DISP1: variants seen among roughly 807,000 people sequenced by gnomAD.
The protein encoded by DISP1 is protein dispatched homolog 1.
DISP1 carries 30 observed loss-of-function variants against 37.3 expected under a neutral mutation model. The observed-to-expected ratio is 0.80, with a 90% CI of 0.60 to 1.09. DISP1 has a LOEUF of 1.09. Among genes scored for constraint, DISP1 ranks in the 50% least tolerant of loss-of-function variants. DISP1 has a pLI of 0.00. For missense variants in DISP1, 1,598 were observed against 1,879.5 expected (o/e 0.85, Z 2.77); for synonymous variants, 634 against 690.2 (o/e 0.92, Z 1.28).
intron 2 of DISP1, among the ~76,000 whole-genome samples, chr1:222,936,824 A>AT (rs1180688946): frequency 0.053 from 1,720 of 32,150 alleles, 84 homozygotes; most frequent in African/African-American, 0.09. Flanking sequence ...TATATATAAT[A>AT]TATATAAATT....
intron 1 of DISP1, among the ~76,000 whole-genome samples, chr1:222,915,421 A>G (rs1440758560): frequency 6.6e-6 from 1 of 152,222 alleles, no homozygotes; most frequent in Non-Finnish European, 1.5e-5. Flanking sequence ...AGGGATGGGA[A>G]GGAGGAGTGT....
intron 1 of DISP1, among the ~76,000 whole-genome samples, chr1:222,927,666 G>T (rs1673164968): frequency 6.6e-6 from 1 of 152,154 alleles, no homozygotes; most frequent in South Asian, 2.1e-4. Flanking sequence ...CCAAAGTCAT[G>T]AAGAGTTAGA....
In DISP1 at chr1:223,003,777, T is replaced by C. The variant is rs974949472; in HGVS notation, c.2380T>C (p.Ser794Pro). ...HMPITVIWGV[S>P]PEDNGNPLNP... ...GCCCATCACAGTAATCTGGGGCGTG[T>C]CCCCAGAAGACAATGGCAACCCACT... The change falls in exon 9 of 9, where the codon TCC (serine) becomes CCC (proline). Residue 794 changes from serine (S) to proline (P), a missense_variant. Coordinates refer to ENST00000675850, the MANE Select transcript of DISP1 (RefSeq NM_001377229.1). The surrounding 1 kb of genome is among the most constrained non-coding windows in gnomAD (Gnocchi z 4.3). 6.2e-7 allele frequency: 1 copy of C among 1,614,092 alleles called. No individual in the cohort carries two copies. Among genetic ancestry groups the C allele is most frequent in the African/African-American group, 1.3e-5 (1 of 75,006 alleles).
rs560764562 is a variant in DISP1, at chr1:222,936,882, A to AT, written c.-17-5924dup. 1.7e-4 allele frequency among the ~76,000 whole-genome samples: 11 copies of AT among 65,424 alleles called. No homozygotes were observed. The South Asian group carries it at 3.2e-3, about 19-fold the overall frequency. The allele number at this position is 65,424 out of a possible 152,430, so 42.9% of individuals were successfully genotyped here. A position where few individuals can be genotyped will look rare whatever the true frequency, so the allele number is the denominator to read the frequency against. On this transcript the variant is annotated intron_variant, in intron 2 of 8. Transcript: ENST00000675850. ...ATAATTTATATATCATATATATGAT[A>AT]TATATAATATATTATTTATATATAA...
At chr1:222,920,646 T>C (rs940799964) in intron 1 of DISP1, among the ~76,000 whole-genome samples, 5 of 152,172 alleles carry the variant, frequency 3.3e-5, no homozygotes, top group African/African-American at 1.2e-4. Flanking sequence ...TAAAAACTTT[T>C]CTTTATAGTA....
At chr1:222,835,596 G>A (rs1413965857) in intron 1 of DISP1, among the ~76,000 whole-genome samples, 1 of 152,156 alleles carries the variant, frequency 6.6e-6, no homozygotes, top group Non-Finnish European at 1.5e-5. Flanking sequence ...GAGATAAGCT[G>A]GAAAGAAATT....
intron 3 of DISP1, among the ~76,000 whole-genome samples, chr1:222,969,550 C>T (rs778372289): frequency 7.9e-5 from 12 of 151,908 alleles, no homozygotes; most frequent in East Asian, 1.9e-4. Flanking sequence ...TGCAATCTAA[C>T]GTAACGTAGT....
intron 3 of DISP1, among the ~76,000 whole-genome samples, chr1:222,974,967 A>G (rs1677208599): frequency 6.6e-6 from 1 of 152,216 alleles, no homozygotes; most frequent in Non-Finnish European, 1.5e-5. Context: ...AGCCTTTCAC[A>G]GAAAGACAGT....
chr1:222,926,179 A>G (rs1340248066), intron 1 of DISP1, among the ~76,000 whole-genome samples: 2 of 152,188 alleles, frequency 1.3e-5, no homozygotes, highest in Non-Finnish European at 2.9e-5. Context: ...GAATCATAAA[A>G]TATGTGGCCT....
At chr1:222,836,622 A>G (rs913161069) in intron 1 of DISP1, among the ~76,000 whole-genome samples, 2 of 152,244 alleles carry the variant, frequency 1.3e-5, no homozygotes, top group East Asian at 3.9e-4. Flanking sequence ...TGAGACAGTT[A>G]GAATTAAATA....
rs1233401189 is a variant in DISP1, at chr1:222,992,815, A to G, written c.889+705A>G. ...CCGCGACAAAAGATGGGGTTCTAGA[A>G]ATGAGGGCCCAAATGTTGCAAGAAC... is the stretch of plus-strand genomic sequence containing the variant. On this transcript the variant is annotated intron_variant, in intron 7 of 8. Coordinates refer to ENST00000675850, the MANE Select transcript of DISP1 (RefSeq NM_001377229.1). Among the ~76,000 whole-genome samples the G allele has an allele frequency of 2.0e-5, 3 of 151,894 alleles. No homozygotes were observed. The East Asian group carries it at 5.8e-4, about 29-fold the overall frequency.
intron 1 of DISP1, among the ~76,000 whole-genome samples, chr1:222,902,728 A>C (rs1194494271): frequency 2.0e-5 from 3 of 152,208 alleles, no homozygotes; most frequent in African/African-American, 4.8e-5. Context: ...CATGAGAGAA[A>C]TGTAAATCAA....
At chr1:222,995,079 T>C in intron 8 of DISP1, 97 bp downstream of exon 8, 1 of 988,638 alleles carries the variant, frequency 1.0e-6, no homozygotes, top group Non-Finnish European at 1.6e-6. Flanking sequence ...CAGATGAAAG[T>C]ACTTCAGAGG....
At chr1:222,958,076 C>G (rs767093005) in intron 3 of DISP1, among the ~76,000 whole-genome samples, 2 of 152,116 alleles carry the variant, frequency 1.3e-5, no homozygotes, top group Non-Finnish European at 2.9e-5. Flanking sequence ...AATGAGTGTG[C>G]GTTTTTGCTC....
At chr1:222,821,363 G>C (rs74145576) in intron 1 of DISP1, among the ~76,000 whole-genome samples, 4,513 of 152,270 alleles carry the variant, frequency 0.03, 210 homozygotes, top group African/African-American at 0.1. Context: ...AAGATAATTG[G>C]TTACAAAAGA....
intron 3 of DISP1, 86 bp downstream of exon 3, chr1:222,943,418 G>C: frequency 6.4e-7 from 1 of 1,563,882 alleles, no homozygotes; most frequent in Non-Finnish European, 8.8e-7. Flanking sequence ...GAAAGGAGAG[G>C]AGAAAAATGA....
chr1:222,824,196 A>G (rs1663696108), intron 1 of DISP1, among the ~76,000 whole-genome samples: 1 of 152,114 alleles, frequency 6.6e-6, no homozygotes, highest in African/African-American at 2.4e-5. Flanking sequence ...TTTTTCCACC[A>G]AAGAGGAAAA....
At chr1:222,936,792 A>AAAT (rs1400572527) in intron 2 of DISP1, among the ~76,000 whole-genome samples, 54 of 75,238 alleles carry the variant, frequency 7.2e-4, no homozygotes, top group African/African-American at 1.4e-3. Flanking sequence ...TATAATATAT[A>AAAT]TAATATATTA....
intron 2 of DISP1, among the ~76,000 whole-genome samples, chr1:222,932,324 A>AT (rs1337240677): frequency 2.0e-5 from 3 of 151,866 alleles, no homozygotes; most frequent in Non-Finnish European, 2.9e-5. Flanking sequence ...TTTTATCATA[A>AT]TTTTTTTAGT....
Sources: allele counts gnomAD v4.1 joint callset (sites outside exome capture counted in the v4.1 genomes callset), GRCh38; gene constraint gnomAD v4.1.1; non-coding constraint Gnocchi (gnomAD v3.1); transcripts MANE v1.5; gene names NCBI Gene and HGNC (gene_info 2026-07-23, HGNC 2026-07-21).